Variants in ASGR2 observed in about 807,000 individuals in gnomAD.
ASGR2 encodes C-type lectin domain family 4 member H2.
In ASGR2, 34 loss-of-function variants were observed where a neutral mutation model predicts 32.3. That is an observed-to-expected ratio of 1.05 (90% CI 0.80 to 1.40). The LOEUF (loss-of-function observed/expected upper bound fraction) is 1.40. Among genes scored for constraint, ASGR2 ranks in the 40% most tolerant of loss-of-function variants. The pLI, the probability that ASGR2 is intolerant of heterozygous loss-of-function variation, is 0.00. For synonymous variants in ASGR2, 143 were observed against 150.0 expected (o/e 0.95, Z 0.34); for missense variants, 385 against 386.4 (o/e 1.00, Z 0.03).
Position 7,105,833 on chromosome 17 carries a change from G to A in ASGR2, c.648+1167C>T, listed in dbSNP as rs114501669. ...AGTCAGAGTCTCGCACTGTCACCCG[G>A]GCTGGAGTATAATGGCGCAGTCTCA... is the stretch of plus-strand genomic sequence containing the variant. On this transcript the variant is annotated intron_variant, in intron 7 of 8. Transcript: ENST00000691900. Among the ~76,000 whole-genome samples, 1,041 of 150,320 alleles carry A rather than the reference G, an allele frequency of 6.9e-3. 19 individuals carry two copies. Among genetic ancestry groups the A allele is most frequent in the African/African-American group, 0.024 (983 of 40,812 alleles).
At position 7,107,113 on chromosome 17, in the gene ASGR2, G is replaced by T; in HGVS notation, c.535C>A (p.His179Asn). ...RTCCPVNWVE[H>N]QGSCYWFSHS... ...GAGAACCAGTAGCAGCTGCCTTGGTGCTCCACCCAGTTGACGGGGCAGCAG... is the reference window on the plus strand; with the variant it reads ...GAGAACCAGTAGCAGCTGCCTTGGTTCTCCACCCAGTTGACGGGGCAGCAG... Residue 179 changes from histidine to asparagine, a missense_variant, in exon 7 of 9, where the codon CAC becomes AAC. Coordinates refer to ENST00000691900, the MANE Select transcript of ASGR2 (RefSeq NM_001201352.2). This position sits in a 1 kb window ranked among gnomAD's most constrained non-coding sequence, Gnocchi z 5.0. 4.3e-6 allele frequency: 7 copies of T among 1,614,182 alleles called. No individual in the cohort carries two copies. Among genetic ancestry groups the T allele is most frequent in the Non-Finnish European group, 5.9e-6 (7 of 1,180,030 alleles).
intron 7 of ASGR2, among the ~76,000 whole-genome samples, chr17:7,106,772 C>T (rs1379257297): frequency 1.3e-5 from 2 of 151,988 alleles, no homozygotes; most frequent in Admixed American, 6.6e-5. Flanking sequence ...GGCATGGTGG[C>T]ACGTGCCTGT....
chr17:7,108,946 G>A lies in ASGR2; in HGVS notation c.125-58C>T, dbSNP rs1301425134. 3 of 1,379,690 alleles carry A rather than the reference G, an allele frequency of 2.2e-6. No individual in the cohort carries two copies. In the East Asian group the frequency reaches 1.2e-4, roughly 56 times the overall value. 85.5% of individuals were successfully genotyped at this position (1,379,690 alleles called of 1,614,324 possible). On this transcript the variant is annotated intron_variant, in intron 2 of 8. Coordinates refer to ENST00000691900, the MANE Select transcript of ASGR2 (RefSeq NM_001201352.2). The surrounding 1 kb of genome is among the most constrained non-coding windows in gnomAD (Gnocchi z 4.9). The stretch of plus-strand genomic sequence containing the variant: ...TGGGTGTGGGGAGCCGGAGGGTAAA[G>A]ACAGGGCACCGAAGCCTGAGGAGGC...
Position 7,114,625 on chromosome 17 carries a change from T to G in ASGR2, c.-81A>C. ...CCCAGCCTCAGTTACCTGTGAAAGG[T>G]GTGGAGAGCGGACACCTGGCTCCCG... On this transcript the variant is annotated 5_prime_UTR_variant, in exon 1 of 9. Transcript: ENST00000691900. The surrounding 1 kb of genome is among the most constrained non-coding windows in gnomAD (Gnocchi z 4.5). 9.5e-7 allele frequency: 1 copy of G among 1,056,870 alleles called. No homozygotes were observed. 65.5% of individuals were successfully genotyped at this position (1,056,870 alleles called of 1,614,324 possible).
chr17:7,105,882 G>A (rs935058073), intron 7 of ASGR2, among the ~76,000 whole-genome samples: 5 of 150,712 alleles, frequency 3.3e-5, no homozygotes, highest in African/African-American at 9.8e-5. Flanking sequence ...TCTGCCTCCC[G>A]GGTTCAAGTG....
intron 7 of ASGR2, among the ~76,000 whole-genome samples, chr17:7,105,338 GA>G (rs1415083321): frequency 7.9e-6 from 1 of 126,042 alleles, no homozygotes; most frequent in Admixed American, 7.6e-5. Context: ...CCTATTAAAA[GA>G]AAAGGTACTT....
Position 7,107,285 on chromosome 17 carries a change from A to T in ASGR2, c.442T>A (p.Phe148Ile). Residue 148 changes from phenylalanine to isoleucine, a missense_variant, in exon 6 of 9, where the codon TTC (phenylalanine) becomes ATC (isoleucine). Phe to Ile is a conservative substitution (Grantham distance 21). Transcript: ENST00000691900. The surrounding 1 kb of genome is among the most constrained non-coding windows in gnomAD (Gnocchi z 5.0). ...GCCACGAAGCGCAGGTCCACGGGGAAGTGCTTCAGATGGAAGAGCAGGGCA... is the reference window on the plus strand; with the variant it reads ...GCCACGAAGCGCAGGTCCACGGGGATGTGCTTCAGATGGAAGAGCAGGGCA... ...HDALLFHLKH[F>I]PVDLRFVACQ... The T allele has an allele frequency of 6.2e-7, 1 of 1,613,936 alleles. No individual in the cohort carries two copies.
intron 7 of ASGR2, among the ~76,000 whole-genome samples, chr17:7,106,464 T>C (rs1243692943): frequency 2.0e-5 from 3 of 152,192 alleles, no homozygotes; most frequent in Non-Finnish European, 2.9e-5. Flanking sequence ...ACTGATGAAA[T>C]GTTGGCAAGT....
chr17:7,110,029 C>T (rs1327367787), intron 2 of ASGR2, among the ~76,000 whole-genome samples: 1 of 152,118 alleles, frequency 6.6e-6, no homozygotes, highest in Admixed American at 6.6e-5. Flanking sequence ...CTTGTCTTCT[C>T]ATTCCTATCA....
intron 2 of ASGR2, among the ~76,000 whole-genome samples, chr17:7,111,277 T>A (rs750789209): frequency 6.6e-6 from 1 of 152,216 alleles, no homozygotes; most frequent in Non-Finnish European, 1.5e-5. Context: ...TATCCCATTA[T>A]GTTCAAAAAA....
intron 2 of ASGR2, among the ~76,000 whole-genome samples, chr17:7,111,804 C>T (rs1327831872): frequency 6.6e-6 from 1 of 150,936 alleles, no homozygotes; most frequent in South Asian, 2.1e-4. Flanking sequence ...CGGGGGGAAT[C>T]ACTTGAGCCC....
At position 7,113,619 on chromosome 17, in the gene ASGR2, A is replaced by T. The variant is rs1915069040; in HGVS notation, c.124+498T>A. Reference sequence around the variant, plus strand: ...ACATACACTCGCACAACATACACACATGCACAAGATACACACACAACACAC... The same window carrying T: ...ACATACACTCGCACAACATACACACTTGCACAAGATACACACACAACACAC... On this transcript the variant is annotated intron_variant, in intron 2 of 8. Transcript: ENST00000691900. This position sits in a 1 kb window ranked among gnomAD's most constrained non-coding sequence, Gnocchi z 5.1. 6.6e-6 allele frequency among the ~76,000 whole-genome samples: 1 copy of T among 151,708 alleles called. No individual in the cohort carries two copies. The highest frequency in any genetic ancestry group is 1.5e-5 in the Non-Finnish European group (1 of 67,912).
rs745468445 is a variant in ASGR2, at chr17:7,102,103, T to C, written c.742A>G (p.Arg248Gly). The C allele has an allele frequency of 5.0e-6, 8 of 1,613,958 alleles. No homozygotes were observed. The highest frequency in any genetic ancestry group is 6.8e-6 in the Non-Finnish European group (8 of 1,179,812). ...SWKWVDGTDY[R>G]HNYKNWAVTQ... Reference sequence around the variant, plus strand: ...GAGGCCACTTACTTGTAGTTGTGCCTATAGTCTGTGCCATCCACCCATTTC... The same window carrying C: ...GAGGCCACTTACTTGTAGTTGTGCCCATAGTCTGTGCCATCCACCCATTTC... Residue 248 changes from arginine (R) to glycine (G), a missense_variant, in exon 8 of 9, where the codon AGG (arginine) becomes GGG (glycine). Arg to Gly is a moderately radical substitution (Grantham distance 125). Transcript: ENST00000691900.
chr17:7,114,234 T>C lies in ASGR2; in HGVS notation c.7A>G (p.Lys3Glu). 2 of 1,613,992 alleles carry C rather than the reference T, an allele frequency of 1.2e-6. No homozygotes were observed. Among genetic ancestry groups the C allele is most frequent in the East Asian group, 2.2e-5 (1 of 44,878 alleles). MA[K>E]DFQDIQQLSS... ...AGCTGCTGGATATCTTGAAAGTCCT[T>C]GGCCATGATGGGGCCCGGGCTGGAG... Residue 3 changes from lysine (K) to glutamate (E), a missense_variant, in exon 2 of 9, where the codon AAG becomes GAG. By Grantham distance (56) the Lys-to-Glu change is moderately conservative. Coordinates refer to ENST00000691900, the MANE Select transcript of ASGR2 (RefSeq NM_001201352.2). This position sits in a 1 kb window ranked among gnomAD's most constrained non-coding sequence, Gnocchi z 4.5.
At position 7,109,010 on chromosome 17, in the gene ASGR2, G is replaced by T. The variant is rs570064181; in HGVS notation, c.125-122C>A. 32 of 854,496 alleles carry T rather than the reference G, an allele frequency of 3.7e-5. 1 individual carries two copies. Among genetic ancestry groups the T allele is most frequent in the Admixed American group, 2.2e-4 (9 of 40,654 alleles). The allele number at this position is 854,496 out of a possible 1,614,324, so 52.9% of individuals were successfully genotyped here. ...GGGGATTGGTTGGGGCCATGGGGGG[G>T]GGTCATCATAGGCTTTGACCCCAGC... On this transcript the variant is annotated intron_variant, in intron 2 of 8. Transcript: ENST00000691900.
chr17:7,113,548 T>C lies in ASGR2; in HGVS notation c.124+569A>G, dbSNP rs199543817. Among the ~76,000 whole-genome samples, 18,395 of 93,128 alleles carry C rather than the reference T, an allele frequency of 0.2. 1,190 individuals carry two copies. Among genetic ancestry groups the C allele is most frequent in the East Asian group, 0.27 (877 of 3,196 alleles). 61.1% of individuals were successfully genotyped at this position (93,128 alleles called of 152,430 possible). A position where few individuals can be genotyped will look rare whatever the true frequency, so the allele number is the denominator to read the frequency against. ...AACATACACACACTCATACACAACA[T>C]ACATACACACAACATACACACAACA... is the stretch of plus-strand genomic sequence containing the variant. On this transcript the variant is annotated intron_variant, in intron 2 of 8. Transcript: ENST00000691900. The surrounding 1 kb of genome is among the most constrained non-coding windows in gnomAD (Gnocchi z 5.1).
intron 7 of ASGR2, among the ~76,000 whole-genome samples, chr17:7,106,719 C>T (rs912584957): frequency 6.6e-6 from 1 of 151,706 alleles, no homozygotes; most frequent in African/African-American, 2.4e-5. Flanking sequence ...CTGGCTAAGA[C>T]GGTGAAACCC....
chr17:7,104,911 G>A (rs1415314179), intron 7 of ASGR2, among the ~76,000 whole-genome samples: 3 of 151,496 alleles, frequency 2.0e-5, no homozygotes, highest in African/African-American at 7.3e-5. Context: ...GGGAGGCAGA[G>A]GTTGCAGTGA....
At chr17:7,104,203 C>T (rs970170686) in intron 7 of ASGR2, among the ~76,000 whole-genome samples, 2 of 151,908 alleles carry the variant, frequency 1.3e-5, no homozygotes, top group African/African-American at 4.8e-5. Flanking sequence ...ACAAAATTAG[C>T]CAGGCGTGTT....
Sources: allele counts gnomAD v4.1 joint callset (sites outside exome capture counted in the v4.1 genomes callset), GRCh38; gene constraint gnomAD v4.1.1; non-coding constraint Gnocchi (gnomAD v3.1); transcripts MANE v1.5; gene names NCBI Gene and HGNC (gene_info 2026-07-23, HGNC 2026-07-21).